The following DSCAM variants were observed in gnomAD, a reference collection of about 807,000 sequenced individuals.
The protein encoded by DSCAM is cell adhesion molecule DSCAM.
Under a neutral mutation model 217.7 loss-of-function variants are expected in DSCAM, and 47 were observed. That is an observed-to-expected ratio of 0.22 (90% CI 0.17 to 0.28). DSCAM has a LOEUF of 0.28. Ranked by LOEUF, DSCAM falls within the 10% of genes least tolerant of loss-of-function variation. The pLI is 1.00. For synonymous variants in DSCAM, 1,056 were observed against 1,015.3 expected, an observed-to-expected ratio of 1.04 and a Z score of -0.76; for missense variants, 2,080 against 2,618.3, an observed-to-expected ratio of 0.79 and a Z score of 4.49.
At chr21:40,773,249 G>A (rs1263700689) in intron 1 of DSCAM, among the ~76,000 whole-genome samples, 1 of 152,186 alleles carries the variant, frequency 6.6e-6, no homozygotes, top group Non-Finnish European at 1.5e-5. Context: ...CACATGTCTG[G>A]TTGCTTTAAA....
chr21:40,671,877 G>A (rs2090280173), intron 3 of DSCAM, among the ~76,000 whole-genome samples: 1 of 152,222 alleles, frequency 6.6e-6, no homozygotes, highest in African/African-American at 2.4e-5. Flanking sequence ...GAAGGGTGCT[G>A]TATTAGTCAT....
At chr21:40,263,801 C>A (rs2073485828) in intron 11 of DSCAM, among the ~76,000 whole-genome samples, 1 of 151,906 alleles carries the variant, frequency 6.6e-6, no homozygotes, top group South Asian at 2.1e-4. Context: ...AATTGATAGA[C>A]CACTAGCTAG....
At chr21:40,358,583 G>C (rs1421878773) in intron 4 of DSCAM, among the ~76,000 whole-genome samples, 1 of 152,108 alleles carries the variant, frequency 6.6e-6, no homozygotes, top group Admixed American at 6.5e-5. Flanking sequence ...GAGGCAGGCA[G>C]ATCACATGAG....
intron 1 of DSCAM, among the ~76,000 whole-genome samples, chr21:40,799,771 G>A (rs1016354237): frequency 6.6e-6 from 1 of 151,848 alleles, no homozygotes; most frequent in Admixed American, 6.6e-5. Flanking sequence ...AAAGATTCTT[G>A]TGATTACATT....
intron 3 of DSCAM, among the ~76,000 whole-genome samples, chr21:40,376,022 C>A (rs999522976): frequency 6.6e-6 from 1 of 152,106 alleles, no homozygotes; most frequent in Non-Finnish European, 1.5e-5. Flanking sequence ...AAAGGCAATA[C>A]TATTTGGGGG....
chr21:40,746,749 C>A (rs1357917947), intron 1 of DSCAM, among the ~76,000 whole-genome samples: 1 of 151,790 alleles, frequency 6.6e-6, no homozygotes, highest in Non-Finnish European at 1.5e-5. Context: ...AACTTTCCAC[C>A]CAATAGATTC....
rs915156657 is a variant in DSCAM, at chr21:40,645,978, T to G, written c.508+46832A>C. 2.0e-5 allele frequency among the ~76,000 whole-genome samples: 3 copies of G among 152,092 alleles called. No homozygotes were observed. In the East Asian group the frequency reaches 5.8e-4, roughly 29 times the overall value. On this transcript the variant is annotated intron_variant, in intron 3 of 32. Coordinates refer to ENST00000400454, the MANE Select transcript of DSCAM (RefSeq NM_001389.5). ...CCTTAGAGCCTTTAGCCTATAAAAT[T>G]AACTGCACTAAATGAAAAGATACCG...
chr21:40,704,583 T>G (rs2090692524), intron 2 of DSCAM, among the ~76,000 whole-genome samples: 1 of 151,870 alleles, frequency 6.6e-6, no homozygotes. Context: ...TAGCCAGGTG[T>G]GGTGACTTAT....
chr21:40,804,884 C>G (rs1011441613), intron 1 of DSCAM, among the ~76,000 whole-genome samples: 2 of 152,126 alleles, frequency 1.3e-5, no homozygotes, highest in Non-Finnish European at 2.9e-5. Flanking sequence ...TGTACCCCAC[C>G]CAATTGTATT....
At chr21:40,333,630 G>C (rs968293457) in intron 8 of DSCAM, among the ~76,000 whole-genome samples, 15 of 152,196 alleles carry the variant, frequency 9.9e-5, no homozygotes, top group Non-Finnish European at 1.9e-4. Flanking sequence ...CTCCCAAAGT[G>C]CTGAGGTTAA....
At chr21:40,091,402 G>C (rs1172844500) in intron 21 of DSCAM, among the ~76,000 whole-genome samples, 1 of 152,076 alleles carries the variant, frequency 6.6e-6, no homozygotes, top group Non-Finnish European at 1.5e-5. Flanking sequence ...GCAGGGTCCA[G>C]TGTCCTGGAC....
chr21:40,379,754 G>A (rs1358496957), intron 3 of DSCAM, among the ~76,000 whole-genome samples: 4 of 152,166 alleles, frequency 2.6e-5, no homozygotes, highest in African/African-American at 4.8e-5. Context: ...TTAAGTGACT[G>A]TTTAGAAGAT....
At position 40,011,529 on chromosome 21, in the gene DSCAM, C is replaced by T. The variant is rs1369455349; in HGVS notation, c.*1505G>A. The stretch of plus-strand genomic sequence containing the variant: ...TTTCTGGTTAATGCCAAATCTCTGA[C>T]ACAAAGACCTGTTTATCTTTCCATT... On this transcript the variant is annotated 3_prime_UTR_variant, in exon 33 of 33. Transcript: ENST00000400454. 1 of 152,176 alleles carries T rather than the reference C, an allele frequency of 6.6e-6. No homozygotes were observed. Among genetic ancestry groups the T allele is most frequent in the Non-Finnish European group, 1.5e-5 (1 of 68,030 alleles). The allele number at this position is 152,176 out of a possible 1,614,324, so 9.4% of individuals were successfully genotyped here.
At position 40,591,200 on chromosome 21, in the gene DSCAM, T is replaced by C. The variant is rs151148825; in HGVS notation, c.508+101610A>G. ...ACTTCCCCTTTGCCTTCCATCATGATTGTAAGTTTCCTGGGGCTTCCCTAG... is the reference window on the plus strand; with the variant it reads ...ACTTCCCCTTTGCCTTCCATCATGACTGTAAGTTTCCTGGGGCTTCCCTAG... On this transcript the variant is annotated intron_variant, in intron 3 of 32. Coordinates refer to ENST00000400454, the MANE Select transcript of DSCAM (RefSeq NM_001389.5). Among the ~76,000 whole-genome samples the C allele has an allele frequency of 6.9e-3, 1,056 of 152,338 alleles. 6 individuals carry two copies. Among genetic ancestry groups the C allele is most frequent in the Non-Finnish European group, 9.1e-3 (618 of 68,022 alleles).
intron 32 of DSCAM, among the ~76,000 whole-genome samples, chr21:40,014,321 A>T (rs993678008): frequency 6.6e-6 from 1 of 152,132 alleles, no homozygotes; most frequent in Admixed American, 6.6e-5. Context: ...ACCCGGGAGG[A>T]GGAGGTTGCA....
At chr21:40,152,335 A>C (rs1163499709) in intron 16 of DSCAM, among the ~76,000 whole-genome samples, 1 of 152,198 alleles carries the variant, frequency 6.6e-6, no homozygotes, top group Non-Finnish European at 1.5e-5. Flanking sequence ...ACGCAGTGCA[A>C]ATCTAAGAGA....
rs866673217 is a variant in DSCAM, at chr21:40,080,240, C to T, written c.4332G>A (p.Gly1444=). 3.7e-6 allele frequency: 6 copies of T among 1,613,380 alleles called. No homozygotes were observed. Among genetic ancestry groups the T allele is most frequent in the South Asian group, 3.3e-5 (3 of 91,070 alleles). The change falls in exon 25 of 33, where the codon GGG becomes GGA. Residue 1444 remains glycine (G), a synonymous_variant. Coordinates refer to ENST00000400454, the MANE Select transcript of DSCAM (RefSeq NM_001389.5). ...RSYRLENLKC[G]TWYKFTLTAQ... ...CTGTCAGTGTGAACTTATACCAAGT[C>T]CCACATTTGAGATTTTCCAAGCGAT... is the stretch of plus-strand genomic sequence containing the variant.
chr21:40,085,203 T>C (rs1040980546), intron 23 of DSCAM, among the ~76,000 whole-genome samples: 8 of 152,218 alleles, frequency 5.3e-5, no homozygotes, highest in Admixed American at 4.6e-4. Flanking sequence ...CATATAAAAA[T>C]TGAGTTAATT....
intron 6 of DSCAM, among the ~76,000 whole-genome samples, chr21:40,346,822 A>T (rs567772487): frequency 5.9e-5 from 9 of 152,256 alleles, no homozygotes; most frequent in African/African-American, 2.2e-4. Context: ...CATTCTACCA[A>T]CCACTGTACT....
Sources: allele counts gnomAD v4.1 joint callset (sites outside exome capture counted in the v4.1 genomes callset), GRCh38; gene constraint gnomAD v4.1.1; transcripts MANE v1.5; gene names NCBI Gene and HGNC (gene_info 2026-07-23, HGNC 2026-07-21).